Variants in LRRIQ1 observed in about 807,000 individuals in gnomAD.
LRRIQ1 encodes leucine-rich repeat- and IQ domain-containing protein 1.
A neutral mutation model predicts 211.9 loss-of-function variants in LRRIQ1; 210 were observed. The observed-to-expected ratio is 0.99, with a 90% confidence interval of 0.89 to 1.11. The LOEUF (loss-of-function observed/expected upper bound fraction) is 1.11, where lower values mean the gene tolerates loss of function less well. Ranked by LOEUF, LRRIQ1 falls within the 50% of genes most tolerant of loss-of-function variation. The probability of loss-of-function intolerance (pLI) is 0.00; values close to 1 mark genes in which losing one functional copy is unlikely to be tolerated. For missense variants in LRRIQ1, 2,136 were observed against 1,939.5 expected, an observed-to-expected ratio of 1.10 and a Z score of -1.90; for synonymous variants, 699 against 650.1, an observed-to-expected ratio of 1.08 and a Z score of -1.14.
chr12:85,074,631 T>C (rs1883445874), intron 11 of LRRIQ1, among the ~76,000 whole-genome samples: 1 of 151,990 alleles, frequency 6.6e-6, no homozygotes, highest in Non-Finnish European at 1.5e-5. Context: ...GGTAACATCC[T>C]TCTACTCTCT....
intron 24 of LRRIQ1, among the ~76,000 whole-genome samples, chr12:85,163,366 A>C (rs1037938683): frequency 6.6e-6 from 1 of 152,144 alleles, no homozygotes; most frequent in Admixed American, 6.5e-5. Context: ...AAAAGTGAGG[A>C]AGATCAAAAT....
chr12:85,191,555 TA>T (rs1052976393), intron 24 of LRRIQ1, among the ~76,000 whole-genome samples: 10 of 152,058 alleles, frequency 6.6e-5, no homozygotes, highest in African/African-American at 2.4e-4. Flanking sequence ...ACAGTTTATG[TA>T]ACCATCCACC....
chr12:85,154,076 A>G lies in LRRIQ1; in HGVS notation c.4702A>G (p.Lys1568Glu), dbSNP rs758686613. ...LKRAQKMKSK[K>E]LKKKIDSTVR... is the part of the protein sequence containing the mutation. ...GAGGGCACAGAAAATGAAATCGAAG[A>G]AACTAAAGAAAAAAATAGGTGAGTA... is the stretch of plus-strand genomic sequence containing the variant. Residue 1568 changes from lysine to glutamate, a missense_variant, in exon 23 of 27, where the codon AAA (lysine) becomes GAA (glutamate). Coordinates refer to ENST00000393217, the MANE Select transcript of LRRIQ1 (RefSeq NM_001079910.2). The G allele has an allele frequency of 1.1e-5, 17 of 1,566,980 alleles. No individual in the cohort carries two copies. The highest frequency in any genetic ancestry group is 1.8e-5 in the Admixed American group (1 of 56,322).
intron 15 of LRRIQ1, among the ~76,000 whole-genome samples, chr12:85,119,279 G>A (rs1887805921): frequency 6.6e-6 from 1 of 151,948 alleles, no homozygotes; most frequent in South Asian, 2.1e-4. Context: ...TTTTCATATT[G>A]ACTTCTTTCA....
chr12:85,241,204 T>C (rs2137255232), intron 26 of LRRIQ1, among the ~76,000 whole-genome samples: 1 of 152,150 alleles, frequency 6.6e-6, no homozygotes, highest in South Asian at 2.1e-4. Flanking sequence ...TGCTATATTT[T>C]GTAACTTCTA....
intron 24 of LRRIQ1, among the ~76,000 whole-genome samples, chr12:85,188,880 A>G (rs540459092): frequency 1.4e-4 from 21 of 152,222 alleles, no homozygotes; most frequent in African/African-American, 4.6e-4. Flanking sequence ...TTTTGATATG[A>G]TTCAACTCTG....
At chr12:85,061,066 T>C (rs1283378578) in intron 8 of LRRIQ1, among the ~76,000 whole-genome samples, 1 of 151,856 alleles carries the variant, frequency 6.6e-6, no homozygotes, top group Non-Finnish European at 1.5e-5. Flanking sequence ...TAATTCTTTA[T>C]AAGAAAAAGG....
intron 24 of LRRIQ1, among the ~76,000 whole-genome samples, chr12:85,187,823 A>AG (rs1186879784): frequency 1.9e-4 from 28 of 150,794 alleles, no homozygotes; most frequent in East Asian, 5.9e-4. Context: ...AAAAAAAAAA[A>AG]AAAGAAAGAA....
chr12:85,261,993 T>C (rs1195674600), intron 1 of LRRIQ1, among the ~76,000 whole-genome samples: 2 of 152,022 alleles, frequency 1.3e-5, no homozygotes, highest in South Asian at 2.1e-4. Context: ...TTTCGCCATG[T>C]TGGTCAGGCT....
chr12:85,239,354 T>TACACAC (rs1491190469), intron 26 of LRRIQ1, among the ~76,000 whole-genome samples: 12 of 86,480 alleles, frequency 1.4e-4, no homozygotes, highest in African/African-American at 7.1e-4. Flanking sequence ...GAAACTGTTT[T>TACACAC]ATACACACAC....
At chr12:85,268,689 C>G (rs1015694727), downstream of LRRIQ1, among the ~76,000 whole-genome samples, 15 of 107,544 alleles carry the variant, frequency 1.4e-4, 1 homozygote, top group African/African-American at 1.3e-3. Flanking sequence ...TCATCCCTTT[C>G]CCTTTAAAGG....
intron 23 of LRRIQ1, among the ~76,000 whole-genome samples, chr12:85,156,673 A>G (rs1230405900): frequency 6.6e-6 from 1 of 151,848 alleles, no homozygotes; most frequent in East Asian, 1.9e-4. Context: ...TTGGTTAAAC[A>G]CTGAAAGATT....
At chr12:85,236,836 T>TATATATATCTATATATATATATATATAG (rs1895202132) in intron 26 of LRRIQ1, among the ~76,000 whole-genome samples, 1 of 140,788 alleles carries the variant, frequency 7.1e-6, no homozygotes, top group East Asian at 2.0e-4. Context: ...TGTGCATATA[T>TATATATATCTATATATATATATATATAG]ATATATATAT....
At chr12:85,262,993 G>C in exon 2 of LRRIQ1, 1 of 987,732 alleles carries the variant, frequency 1.0e-6, no homozygotes, top group South Asian at 4.7e-5. Context: ...ATATCATTCC[G>C]AGACAATCCT....
chr12:85,251,035 TATA>T (rs1193631371), intron 1 of LRRIQ1, among the ~76,000 whole-genome samples: 3 of 134,668 alleles, frequency 2.2e-5, no homozygotes, highest in East Asian at 2.1e-4. Context: ...ATTTTCTGAA[TATA>T]ATAATTTTCA....
Position 85,145,344 on chromosome 12 carries a change from C to T in LRRIQ1, c.4330-6936C>T, listed in dbSNP as rs1050780788. On this transcript the variant is annotated intron_variant, in intron 19 of 26. Transcript: ENST00000393217. ...TAGATCAACTGTCCATGAAATATTT[C>T]CTTAGATTGATTTGTTGCCTCTCTG... Among the ~76,000 whole-genome samples the T allele has an allele frequency of 2.0e-5, 3 of 151,506 alleles. No homozygotes were observed. In the South Asian group the frequency reaches 6.2e-4, roughly 31 times the overall value.
chr12:85,157,878 A>C (rs1890640987), intron 23 of LRRIQ1, among the ~76,000 whole-genome samples: 1 of 151,898 alleles, frequency 6.6e-6, no homozygotes, highest in African/African-American at 2.4e-5. Context: ...GCATTAAAAA[A>C]AGGCTAATTT....
At chr12:85,127,336 G>A (rs553989490) in intron 17 of LRRIQ1, among the ~76,000 whole-genome samples, 263 of 152,296 alleles carry the variant, frequency 1.7e-3, no homozygotes, top group African/African-American at 6.2e-3. Context: ...TAATTTAACT[G>A]TTTGTGGGCA....
chr12:85,218,452 T>A (rs1894256328), intron 24 of LRRIQ1, among the ~76,000 whole-genome samples: 1 of 152,118 alleles, frequency 6.6e-6, no homozygotes. Context: ...ATATGTTACG[T>A]ACTCTGTGTT....
Sources: allele counts gnomAD v4.1 joint callset (sites outside exome capture counted in the v4.1 genomes callset), GRCh38; gene constraint gnomAD v4.1.1; transcripts MANE v1.5; gene names NCBI Gene and HGNC (gene_info 2026-07-23, HGNC 2026-07-21).